The following METTL8 variants were observed in gnomAD, a reference collection of about 807,000 sequenced individuals.
METTL8 encodes the protein methyltransferase 8, tRNA N3-cytidine.
METTL8 carries 32 observed loss-of-function variants against 48.7 expected under a neutral mutation model. The observed-to-expected ratio is 0.66, with a 90% confidence interval of 0.50 to 0.88. The LOEUF is 0.88. Ranked by LOEUF, METTL8 falls within the 40% of genes least tolerant of loss-of-function variation. The pLI, the probability that METTL8 is intolerant of heterozygous loss-of-function variation, is 0.00. For synonymous variants in METTL8, 136 were observed against 157.1 expected (o/e 0.87, Z 1.01); for missense variants, 464 against 474.4 (o/e 0.98, Z 0.20).
At chr2:171,327,516 TG>T (rs1685076499) in intron 7 of METTL8, among the ~76,000 whole-genome samples, 2 of 152,164 alleles carry the variant, frequency 1.3e-5, no homozygotes, top group Admixed American at 6.5e-5. Flanking sequence ...TTTTCTTATT[TG>T]AAAAAAATGA....
chr2:171,344,611 A>G (rs1469289050), intron 3 of METTL8, among the ~76,000 whole-genome samples: 2 of 152,226 alleles, frequency 1.3e-5, no homozygotes, highest in African/African-American at 4.8e-5. Context: ...AGAAATATAA[A>G]CCATGCAGTT....
intron 3 of METTL8, among the ~76,000 whole-genome samples, chr2:171,358,793 C>T (rs966345376): frequency 1.3e-5 from 2 of 152,048 alleles, no homozygotes; most frequent in Admixed American, 6.6e-5. Flanking sequence ...TTCAAAAGCA[C>T]AAGCAACCAA....
intron 1 of METTL8, among the ~76,000 whole-genome samples, chr2:171,411,617 C>T (rs962271815): frequency 6.6e-6 from 1 of 151,802 alleles, no homozygotes; most frequent in Non-Finnish European, 1.5e-5. Context: ...AAGGGCCACC[C>T]GTTTGGAAAA....
In METTL8 at chr2:171,361,861, C is replaced by A. The variant is rs545450388; in HGVS notation, c.144-1348G>T. Among the ~76,000 whole-genome samples the A allele has an allele frequency of 2.0e-5, 3 of 152,136 alleles. No individual in the cohort carries two copies. In the South Asian group the frequency reaches 6.2e-4, roughly 32 times the overall value. On this transcript the variant is annotated intron_variant, in intron 2 of 9. Transcript: ENST00000375258. ...TCCTAGTGCAAGCAGGTAAACAATA[C>A]GTAAATGATAATACAGTGAAACATG... is the stretch of plus-strand genomic sequence containing the variant.
intron 5 of METTL8, among the ~76,000 whole-genome samples, chr2:171,335,890 G>A (rs185936273): frequency 6.2e-4 from 94 of 152,178 alleles, no homozygotes; most frequent in Non-Finnish European, 1.1e-3. Context: ...GTTCTGCAAC[G>A]TGCTAATGCT....
chr2:171,421,411 C>A (rs1691859108), intron 1 of METTL8, among the ~76,000 whole-genome samples: 1 of 150,502 alleles, frequency 6.6e-6, no homozygotes, highest in South Asian at 2.1e-4. Context: ...TGAATAGCCA[C>A]TGCACTCCAG....
At chr2:171,353,885 C>A (rs1476802418) in intron 3 of METTL8, among the ~76,000 whole-genome samples, 1 of 152,184 alleles carries the variant, frequency 6.6e-6, no homozygotes, top group African/African-American at 2.4e-5. Flanking sequence ...CTGAATACAG[C>A]ACACTGATGG....
At chr2:171,425,205 G>A (rs1209529379) in intron 1 of METTL8, among the ~76,000 whole-genome samples, 1 of 152,186 alleles carries the variant, frequency 6.6e-6, no homozygotes, top group East Asian at 1.9e-4. Flanking sequence ...AAATTACCCA[G>A]TCTCAGGTAT....
At chr2:171,387,192 T>C (rs1662975812) in intron 2 of METTL8, among the ~76,000 whole-genome samples, 1 of 152,062 alleles carries the variant, frequency 6.6e-6, no homozygotes, top group South Asian at 2.1e-4. Flanking sequence ...ATGGCTAAAC[T>C]AAAAGAGCAC....
intron 3 of METTL8, among the ~76,000 whole-genome samples, chr2:171,359,180 A>C (rs1384234462): frequency 6.6e-6 from 1 of 151,878 alleles, no homozygotes; most frequent in East Asian, 1.9e-4. Context: ...TCTCAAAAAA[A>C]AAAAAAAAAA....
At chr2:171,325,670 G>A (rs1424543033) in intron 9 of METTL8, among the ~76,000 whole-genome samples, 171 bp downstream of exon 9, 1 of 152,040 alleles carries the variant, frequency 6.6e-6, no homozygotes, top group Non-Finnish European at 1.5e-5. Context: ...AACAGTAAAC[G>A]GCCATTTTCA....
intron 1 of METTL8, among the ~76,000 whole-genome samples, chr2:171,433,573 T>A (rs1027461452): frequency 1.3e-5 from 2 of 152,226 alleles, no homozygotes; most frequent in Admixed American, 6.5e-5. Context: ...TAACAAAGTA[T>A]ATCTTTTACT....
chr2:171,343,937 A>G (rs1388254799), intron 3 of METTL8, among the ~76,000 whole-genome samples: 2 of 152,220 alleles, frequency 1.3e-5, no homozygotes, highest in African/African-American at 2.4e-5. Context: ...CGTGACTGCA[A>G]TCTGGTTCAG....
chr2:171,362,106 C>G lies in METTL8; in HGVS notation c.144-1593G>C, dbSNP rs547397042. On this transcript the variant is annotated intron_variant, in intron 2 of 9. Coordinates refer to ENST00000375258, the MANE Select transcript of METTL8 (RefSeq NM_001321154.2). ...GGACAACTGCAGATGAAGTTGGGAG[C>G]TGGGTAACGGTCAGATTTCAGAGGA... is the stretch of plus-strand genomic sequence containing the variant. Among the ~76,000 whole-genome samples the G allele has an allele frequency of 3.3e-5, 5 of 152,170 alleles. No homozygotes were observed. The South Asian group carries it at 1.0e-3, about 32-fold the overall frequency.
intron 2 of METTL8, among the ~76,000 whole-genome samples, chr2:171,378,499 G>A (rs1687195343): frequency 6.6e-6 from 1 of 152,116 alleles, no homozygotes; most frequent in South Asian, 2.1e-4. Context: ...GGGTGTGGTG[G>A]CATGCGCCTG....
At chr2:171,386,515 GTACT>G (rs1688063566) in intron 2 of METTL8, among the ~76,000 whole-genome samples, 1 of 152,202 alleles carries the variant, frequency 6.6e-6, no homozygotes, top group Non-Finnish European at 1.5e-5. Flanking sequence ...TGTAATCCCA[GTACT>G]TTGGGAGTCC....
At chr2:171,405,228 C>G (rs1690055321) in intron 1 of METTL8, among the ~76,000 whole-genome samples, 1 of 151,918 alleles carries the variant, frequency 6.6e-6, no homozygotes. Context: ...GTGGTAGGTG[C>G]TAGAGATGTG....
intron 3 of METTL8, among the ~76,000 whole-genome samples, chr2:171,359,421 T>G (rs950082103): frequency 1.3e-5 from 2 of 152,164 alleles, no homozygotes; most frequent in Non-Finnish European, 2.9e-5. Context: ...GGTGGGAATG[T>G]AAATTAGTAT....
At chr2:171,377,986 A>C (rs1028946227) in intron 2 of METTL8, among the ~76,000 whole-genome samples, 1 of 152,190 alleles carries the variant, frequency 6.6e-6, no homozygotes, top group Non-Finnish European at 1.5e-5. Flanking sequence ...AATTGCAAAA[A>C]CATGGAACCA....
Sources: gnomAD v4.1 joint callset for allele counts (sites outside exome capture counted in the v4.1 genomes callset) on GRCh38, gnomAD v4.1.1 for gene constraint, MANE v1.5 for transcripts, NCBI Gene and HGNC (gene_info 2026-07-23, HGNC 2026-07-21) for gene names.